ZRANB3: variants seen among roughly 807,000 people sequenced by gnomAD.
ZRANB3 encodes DNA annealing helicase and endonuclease ZRANB3.
A neutral mutation model predicts 133.8 loss-of-function variants in ZRANB3; 125 were observed. The observed-to-expected ratio is 0.93, with a 90% confidence interval of 0.81 to 1.08. The LOEUF is 1.08. Among genes scored for constraint, ZRANB3 ranks in the 50% least tolerant of loss-of-function variants. ZRANB3 has a pLI of 0.00. For synonymous variants in ZRANB3, 387 were observed against 432.7 expected (o/e 0.89, Z 1.31); for missense variants, 1,229 against 1,275.5 (o/e 0.96, Z 0.56).
At chr2:135,380,286 T>C (rs1216297228) in intron 3 of ZRANB3, among the ~76,000 whole-genome samples, 1 of 152,194 alleles carries the variant, frequency 6.6e-6, no homozygotes, top group Non-Finnish European at 1.5e-5. Context: ...TATCCAGGAC[T>C]TGAAGACAGC....
intron 2 of ZRANB3, among the ~76,000 whole-genome samples, chr2:135,407,009 T>A (rs1688070238): frequency 1.3e-5 from 2 of 152,208 alleles, no homozygotes; most frequent in East Asian, 3.9e-4. Context: ...GGGTATTCAA[T>A]TAGGAAAAGA....
chr2:135,310,633 G>A (rs1044699188), intron 8 of ZRANB3, among the ~76,000 whole-genome samples: 1 of 151,996 alleles, frequency 6.6e-6, no homozygotes, highest in Admixed American at 6.6e-5. Context: ...ATCACAGAGT[G>A]TATTTACACA....
chr2:135,300,915 A>T (rs1330129251), intron 8 of ZRANB3, among the ~76,000 whole-genome samples: 1 of 152,178 alleles, frequency 6.6e-6, no homozygotes, highest in Non-Finnish European at 1.5e-5. Flanking sequence ...ACTGCTAAGA[A>T]CCTTTAGAAT....
At chr2:135,458,070 T>C (rs572359516) in intron 2 of ZRANB3, among the ~76,000 whole-genome samples, 5 of 152,262 alleles carry the variant, frequency 3.3e-5, no homozygotes, top group African/African-American at 1.2e-4. Context: ...TTAATTTTTG[T>C]GAATAGTGTA....
At chr2:135,503,780 T>C (rs1276943647) in intron 2 of ZRANB3, among the ~76,000 whole-genome samples, 4 of 151,926 alleles carry the variant, frequency 2.6e-5, no homozygotes, top group African/African-American at 9.7e-5. Context: ...GGCAACATGG[T>C]GAAAACCCAT....
At chr2:135,324,732 C>G (rs1683725324) in intron 6 of ZRANB3, among the ~76,000 whole-genome samples, 1 of 152,182 alleles carries the variant, frequency 6.6e-6, no homozygotes, top group African/African-American at 2.4e-5. Context: ...TCCACATCCT[C>G]TCCAGCACCT....
chr2:135,393,572 A>G (rs1687343739), intron 2 of ZRANB3, among the ~76,000 whole-genome samples: 1 of 152,188 alleles, frequency 6.6e-6, no homozygotes. Flanking sequence ...AGAGGCAACA[A>G]TTAAGTAAAT....
chr2:135,508,960 G>A (rs913054702), intron 1 of ZRANB3, among the ~76,000 whole-genome samples: 1 of 150,350 alleles, frequency 6.7e-6, no homozygotes, highest in Non-Finnish European at 1.5e-5. Flanking sequence ...AACTTAAAAG[G>A]TTTTATTCAA....
chr2:135,496,610 CA>C (rs972651186), intron 2 of ZRANB3, among the ~76,000 whole-genome samples: 1 of 151,910 alleles, frequency 6.6e-6, no homozygotes, highest in African/African-American at 2.4e-5. Flanking sequence ...CAAAACATTG[CA>C]AAAAACAAGA....
chr2:135,321,133 CAT>C (rs1683504676), intron 6 of ZRANB3, among the ~76,000 whole-genome samples: 1 of 152,172 alleles, frequency 6.6e-6, no homozygotes, highest in Non-Finnish European at 1.5e-5. Flanking sequence ...TCTGAGTGAA[CAT>C]ATGTTTTCAT....
At chr2:135,361,975 G>T (rs1413232487) in intron 3 of ZRANB3, among the ~76,000 whole-genome samples, 1 of 152,054 alleles carries the variant, frequency 6.6e-6, no homozygotes, top group African/African-American at 2.4e-5. Context: ...AAGGCAGGTG[G>T]ATCATGAGGT....
chr2:135,301,903 G>C (rs1473156063), intron 8 of ZRANB3, among the ~76,000 whole-genome samples: 3 of 152,150 alleles, frequency 2.0e-5, no homozygotes, highest in African/African-American at 7.2e-5. Flanking sequence ...TACCTCCCTA[G>C]CACCTTGCCA....
chr2:135,455,786 G>C (rs142560788), intron 2 of ZRANB3, among the ~76,000 whole-genome samples: 1 of 151,142 alleles, frequency 6.6e-6, no homozygotes, highest in Non-Finnish European at 1.5e-5. Context: ...AGTAGAGACG[G>C]GGTTTCACCG....
chr2:135,208,615 T>C (rs530540833), intron 18 of ZRANB3, among the ~76,000 whole-genome samples: 1 of 152,340 alleles, frequency 6.6e-6, no homozygotes, highest in African/African-American at 2.4e-5. Context: ...TCTCCTGGCC[T>C]CTACCCGCAA....
chr2:135,510,037 G>T (rs573401795), intron 1 of ZRANB3, among the ~76,000 whole-genome samples: 57 of 152,152 alleles, frequency 3.7e-4, no homozygotes, highest in Middle Eastern at 6.8e-3. Flanking sequence ...ATTTTCCAAT[G>T]GCAATTTCTC....
chr2:135,441,103 C>T (rs1689758860), intron 2 of ZRANB3, among the ~76,000 whole-genome samples: 1 of 151,858 alleles, frequency 6.6e-6, no homozygotes. Context: ...TGAAGAAAAA[C>T]ATTTACTCTC....
chr2:135,302,861 TA>T (rs1161111209), intron 8 of ZRANB3, among the ~76,000 whole-genome samples: 1 of 152,104 alleles, frequency 6.6e-6, no homozygotes, highest in Non-Finnish European at 1.5e-5. Context: ...AGAAACGATC[TA>T]AAAGGTTCTC....
At chr2:135,205,411 A>G (rs1384975520) in intron 19 of ZRANB3, among the ~76,000 whole-genome samples, 1 of 152,190 alleles carries the variant, frequency 6.6e-6, no homozygotes, top group African/African-American at 2.4e-5. Flanking sequence ...CTGGGACTAC[A>G]GGTGCATGCT....
intron 10 of ZRANB3, among the ~76,000 whole-genome samples, chr2:135,269,553 T>C (rs1346073559): frequency 4.6e-5 from 7 of 152,162 alleles, no homozygotes; most frequent in Non-Finnish European, 1.0e-4. Context: ...CACTGTCATG[T>C]TATAAAGCAA....
Sources: gnomAD v4.1 joint callset for allele counts (sites outside exome capture counted in the v4.1 genomes callset) on GRCh38, gnomAD v4.1.1 for gene constraint, MANE v1.5 for transcripts, NCBI Gene and HGNC (gene_info 2026-07-23, HGNC 2026-07-21) for gene names.